DAB2: variants seen among roughly 807,000 people sequenced by gnomAD.
DAB2 encodes the protein disabled homolog 2.
DAB2 carries 28 observed loss-of-function variants against 71.6 expected under a neutral mutation model. The observed-to-expected ratio is 0.39, with a 90% CI of 0.29 to 0.54. DAB2 has a LOEUF of 0.54. DAB2 is among the 20% of genes least tolerant of loss of function. The pLI is 0.68. For synonymous variants in DAB2, 345 were observed against 339.7 expected (o/e 1.02, Z -0.17); for missense variants, 867 against 928.8 (o/e 0.93, Z 0.86).
chr5:39,412,284 C>G (rs1213107893), intron 1 of DAB2, among the ~76,000 whole-genome samples: 1 of 152,090 alleles, frequency 6.6e-6, no homozygotes, highest in African/African-American at 2.4e-5. Context: ...ACACTGACAG[C>G]CTTTTTTGTT....
chr5:39,412,254 A>G (rs1480294624), intron 1 of DAB2, among the ~76,000 whole-genome samples: 1 of 152,094 alleles, frequency 6.6e-6, no homozygotes. Flanking sequence ...TGATTATGAC[A>G]AAACTTGAAA....
At chr5:39,380,062 G>A (rs1476099875) in intron 11 of DAB2, among the ~76,000 whole-genome samples, 2 of 152,174 alleles carry the variant, frequency 1.3e-5, no homozygotes, top group Non-Finnish European at 2.9e-5. Context: ...ATGTGATCTC[G>A]CTGCAGACAT....
chr5:39,421,516 TA>T (rs1755985168), intron 1 of DAB2, among the ~76,000 whole-genome samples: 1 of 152,164 alleles, frequency 6.6e-6, no homozygotes, highest in African/African-American at 2.4e-5. Context: ...CAGGAAATGG[TA>T]CTTCAGAAGG....
At chr5:39,423,342 A>G (rs1011610028) in intron 1 of DAB2, among the ~76,000 whole-genome samples, 29 of 1,488 alleles carry the variant, frequency 0.019, no homozygotes, top group Non-Finnish European at 0.033. Context: ...GTACTCAAAT[A>G]CTCCCGAATT....
intron 1 of DAB2, among the ~76,000 whole-genome samples, 180 bp from the exon 2 acceptor site, chr5:39,394,601 A>G (rs1755312786): frequency 6.6e-6 from 1 of 152,208 alleles, no homozygotes; most frequent in Non-Finnish European, 1.5e-5. Flanking sequence ...TTTCCTTTGT[A>G]GTTTCCAAAA....
chr5:39,390,530 G>A lies in DAB2; in HGVS notation c.376C>T (p.Arg126Cys), dbSNP rs375538600. Reference protein sequence around the residue: ...HPVNKISFIARDVTDNRAFGY... With the variant: ...HPVNKISFIACDVTDNRAFGY... ...AATGCCCGGTTGTCTGTCACATCAC[G>A]GGCAATGAAAGAAATCTTATTTACT... The change falls in exon 5 of 15, where the codon CGT (arginine) becomes TGT (cysteine). Residue 126 changes from arginine to cysteine, a missense_variant. Physicochemically the swap from Arg to Cys is radical, Grantham distance 180. Around this residue, in one of 2 missense-constraint regions of DAB2, gnomAD observed 127 missense variants for 194.4 expected, o/e 0.65. Transcript: ENST00000320816. 3.7e-5 allele frequency: 60 copies of A among 1,613,576 alleles called. No individual in the cohort carries two copies. The highest frequency in any genetic ancestry group is 4.2e-5 in the Non-Finnish European group (49 of 1,179,668).
chr5:39,376,628 G>A, intron 12 of DAB2, 22 bp downstream of exon 12: 1 of 1,609,302 alleles, frequency 6.2e-7, no homozygotes, highest in Non-Finnish European at 8.5e-7. Flanking sequence ...TGGAACAGTA[G>A]GCAGAGTGGT....
intron 1 of DAB2, among the ~76,000 whole-genome samples, chr5:39,424,470 TACACACAC>T (rs56974213): frequency 0.19 from 25,367 of 134,304 alleles, 2,508 homozygotes; most frequent in East Asian, 0.28. Flanking sequence ...GCAGACCTTT[TACACACAC>T]ACACACACAC....
intron 1 of DAB2, among the ~76,000 whole-genome samples, chr5:39,416,175 C>T (rs837085): frequency 0.049 from 7,454 of 152,034 alleles, 439 homozygotes; most frequent in East Asian, 0.31. Context: ...TCATGATTAG[C>T]GGACTTATAT....
intron 12 of DAB2, 95 bp downstream of exon 12, chr5:39,376,555 G>T (rs1225429556): frequency 2.1e-6 from 3 of 1,409,058 alleles, no homozygotes; most frequent in African/African-American, 2.8e-5. Context: ...AAAGCTGTTG[G>T]CGGGTGGGAG....
chr5:39,413,250 C>A (rs937521136), intron 1 of DAB2, among the ~76,000 whole-genome samples: 1 of 152,126 alleles, frequency 6.6e-6, no homozygotes, highest in Non-Finnish European at 1.5e-5. Flanking sequence ...GAAACAAAGG[C>A]TTTTAATTGA....
intron 1 of DAB2, among the ~76,000 whole-genome samples, chr5:39,400,732 T>A (rs1337740415): frequency 6.6e-6 from 1 of 152,168 alleles, no homozygotes; most frequent in Non-Finnish European, 1.5e-5. Flanking sequence ...CCCACTGACA[T>A]TAACACACCA....
intron 1 of DAB2, among the ~76,000 whole-genome samples, chr5:39,405,455 G>T (rs1755589870): frequency 6.6e-6 from 1 of 152,204 alleles, no homozygotes; most frequent in Non-Finnish European, 1.5e-5. Flanking sequence ...AACTACAGAG[G>T]TTAAAAATCA....
intron 9 of DAB2, chr5:39,385,159 C>A (rs1398652799): frequency 6.6e-6 from 1 of 151,814 alleles, no homozygotes; most frequent in Non-Finnish European, 1.5e-5. Context: ...AAGAATTTGT[C>A]ACAAGAAAGA....
chr5:39,376,034 G>A lies in DAB2; in HGVS notation c.2210C>T (p.Pro737Leu), dbSNP rs1754820016. Residue 737 changes from proline to leucine, a missense_variant, in exon 13 of 15, where the codon CCT becomes CTT. By Grantham distance (98) the Pro-to-Leu change is moderately conservative. Coordinates refer to ENST00000320816, the MANE Select transcript of DAB2 (RefSeq NM_001343.4). ...TGAACCAAAAGAATCTTTAAAGAAA[G>A]GGTTCTCAAATGCATTGTCAGTAGA... ...TKSTDNAFEN[P>L]FFKDSFGSSQ... 6.2e-7 allele frequency: 1 copy of A among 1,613,924 alleles called. No homozygotes were observed. Among genetic ancestry groups the A allele is most frequent in the Non-Finnish European group, 8.5e-7 (1 of 1,179,980 alleles).
chr5:39,378,110 G>A (rs1405903283), intron 11 of DAB2, among the ~76,000 whole-genome samples: 1 of 152,190 alleles, frequency 6.6e-6, no homozygotes, highest in Non-Finnish European at 1.5e-5. Flanking sequence ...GGTAACTAAT[G>A]GCCTGTGTTG....
intron 1 of DAB2, among the ~76,000 whole-genome samples, chr5:39,395,431 G>T (rs2686172): frequency 0.98 from 148,601 of 152,342 alleles, 72,877 homozygotes; most frequent in Non-Finnish European, 1. Context: ...AGTGAACATT[G>T]TAACTGAAGG....
intron 1 of DAB2, among the ~76,000 whole-genome samples, chr5:39,408,089 G>C (rs1242380316): frequency 6.6e-6 from 1 of 152,188 alleles, no homozygotes; most frequent in East Asian, 1.9e-4. Flanking sequence ...CTTGAGTGTT[G>C]CTGTACCCTT....
At chr5:39,416,808 G>T (rs563326556) in intron 1 of DAB2, among the ~76,000 whole-genome samples, 1 of 152,038 alleles carries the variant, frequency 6.6e-6, no homozygotes, top group Admixed American at 6.6e-5. Flanking sequence ...AAAATTATTT[G>T]CCCTACTTTT....
Sources: gnomAD v4.1 joint callset for allele counts (sites outside exome capture counted in the v4.1 genomes callset) on GRCh38, gnomAD v4.1.1 for gene constraint, gnomAD v4.1.1 regional missense constraint, MANE v1.5 for transcripts, NCBI Gene and HGNC (gene_info 2026-07-23, HGNC 2026-07-21) for gene names.